Variants in TBC1D7 observed in about 807,000 individuals in gnomAD.
TBC1D7 encodes the protein TBC domain family 7.
A neutral mutation model predicts 35.3 loss-of-function variants in TBC1D7; 33 were observed. The ratio of observed to expected loss-of-function variants is 0.93; its 90% CI spans 0.71 to 1.25. The LOEUF is 1.25. TBC1D7 is among the 50% of genes most tolerant of loss of function. The pLI is 0.00. For synonymous variants in TBC1D7, 135 were observed against 129.5 expected (o/e 1.04, Z -0.29); for missense variants, 362 against 365.3 (o/e 0.99, Z 0.07).
At position 13,321,068 on chromosome 6, in the gene TBC1D7, T is replaced by C. The variant is rs1191568286; in HGVS notation, c.221A>G (p.His74Arg). ...LGILPPHHESHAKVMMYRKEQ... is the reference protein window; with the variant it reads ...LGILPPHHESRAKVMMYRKEQ... ...CTTACGATACATCATCACCTTGGCA[T>C]GGGACTCGTGGTGTGGAGGCAAGAT... The change falls in exon 4 of 8, where the codon CAT (histidine) becomes CGT (arginine). Residue 74 changes from histidine (H) to arginine (R), a missense_variant. Physicochemically the swap from His to Arg is conservative, Grantham distance 29. Coordinates refer to ENST00000379300, the MANE Select transcript of TBC1D7 (RefSeq NM_016495.6). 20 of 1,613,360 alleles carry C rather than the reference T, an allele frequency of 1.2e-5. No individual in the cohort carries two copies. The highest frequency in any genetic ancestry group is 1.7e-5 in the Admixed American group (1 of 59,954).
chr6:13,305,943 T>C (rs1253350396), intron 7 of TBC1D7: 1 of 164,168 alleles, frequency 6.1e-6, no homozygotes, highest in Non-Finnish European at 1.3e-5. Context: ...ATCCCACCTA[T>C]TCCTTTTCCT....
chr6:13,315,117 C>G (rs1022088239), intron 5 of TBC1D7, among the ~76,000 whole-genome samples: 1 of 152,128 alleles, frequency 6.6e-6, no homozygotes, highest in Non-Finnish European at 1.5e-5. Flanking sequence ...GACAGGGCAG[C>G]CAAGTGACAC....
chr6:13,311,998 T>A (rs1230986986), intron 5 of TBC1D7, among the ~76,000 whole-genome samples: 7 of 151,832 alleles, frequency 4.6e-5, no homozygotes, highest in Admixed American at 4.6e-4. Flanking sequence ...TATATGGAAA[T>A]CCAGTATATG....
intron 3 of TBC1D7, among the ~76,000 whole-genome samples, chr6:13,321,410 A>G (rs1171138115): frequency 6.6e-6 from 1 of 152,220 alleles, no homozygotes; most frequent in African/African-American, 2.4e-5. Flanking sequence ...ACAATGGTTT[A>G]ACTTAATTTA....
chr6:13,320,439 T>G (rs757311164), intron 4 of TBC1D7: 1 of 359,046 alleles, frequency 2.8e-6, no homozygotes, highest in Non-Finnish European at 5.1e-6. Flanking sequence ...GTCTGCATCT[T>G]ACTCTCAAAT....
In TBC1D7 at chr6:13,326,807, A is replaced by C; in HGVS notation, c.92T>G (p.Leu31Arg). The C allele has an allele frequency of 4.3e-6, 7 of 1,612,372 alleles. No homozygotes were observed. The highest frequency in any genetic ancestry group is 5.9e-6 in the Non-Finnish European group (7 of 1,178,904). Residue 31 changes from leucine to arginine, a missense_variant, in exon 2 of 8, where the codon CTC (leucine) becomes CGC (arginine). Leu to Arg is a moderately radical substitution (Grantham distance 102, BLOSUM62 -2). Coordinates refer to ENST00000379300, the MANE Select transcript of TBC1D7 (RefSeq NM_016495.6). Reference sequence around the variant, plus strand: ...CTCACCCAGACGGTCATCTTTTAGGAGAATTTCTAATGATTTCTTTTCTTC... The same window carrying C: ...CTCACCCAGACGGTCATCTTTTAGGCGAATTTCTAATGATTTCTTTTCTTC... The part of the protein sequence containing the change: ...GVEEKKSLEI[L>R]LKDDRLDTEK...
chr6:13,308,144 A>G (rs755281429), intron 5 of TBC1D7, among the ~76,000 whole-genome samples: 6 of 152,226 alleles, frequency 3.9e-5, no homozygotes, highest in Non-Finnish European at 7.3e-5. Flanking sequence ...AGCAGATTAT[A>G]TACTAAGGAA....
At chr6:13,305,406 A>C (rs1483082647) in intron 7 of TBC1D7, among the ~76,000 whole-genome samples, 1 of 152,090 alleles carries the variant, frequency 6.6e-6, no homozygotes, top group African/African-American at 2.4e-5. Flanking sequence ...CTAACTGTGC[A>C]CCCCCGGGCA....
At chr6:13,311,721 A>G (rs1475812993) in intron 5 of TBC1D7, among the ~76,000 whole-genome samples, 1 of 152,244 alleles carries the variant, frequency 6.6e-6, no homozygotes, top group African/African-American at 2.4e-5. Flanking sequence ...TTTAAGGGAC[A>G]TGAAGTGTCT....
intron 4 of TBC1D7, chr6:13,320,418 T>C (rs952695016): frequency 1.9e-5 from 6 of 318,246 alleles, no homozygotes; most frequent in East Asian, 7.3e-5. Context: ...TCTGAGGTAA[T>C]AGGGAATCCT....
intron 2 of TBC1D7, among the ~76,000 whole-genome samples, chr6:13,325,885 T>C (rs2127544476): frequency 6.6e-6 from 1 of 152,332 alleles, no homozygotes; most frequent in Non-Finnish European, 1.5e-5. Flanking sequence ...TGGTACAGTC[T>C]GCCTTCAAAT....
At chr6:13,327,184 T>C (rs985738204) in intron 1 of TBC1D7, among the ~76,000 whole-genome samples, 3 of 152,182 alleles carry the variant, frequency 2.0e-5, no homozygotes, top group African/African-American at 7.2e-5. Context: ...TTTCCCACTA[T>C]ACCTATGAGT....
intron 3 of TBC1D7, among the ~76,000 whole-genome samples, chr6:13,323,365 A>T (rs1202165506): frequency 6.7e-5 from 10 of 149,030 alleles, no homozygotes; most frequent in South Asian, 6.3e-4. Context: ...TAAAAAAATT[A>T]AAAAAAAAGA....
chr6:13,311,295 G>C (rs942093204), intron 5 of TBC1D7, among the ~76,000 whole-genome samples: 4 of 152,128 alleles, frequency 2.6e-5, no homozygotes, highest in Non-Finnish European at 1.5e-5. Context: ...TATTCTCCTC[G>C]ACTATGAGAG....
intron 6 of TBC1D7, chr6:13,307,146 G>A (rs571195715): frequency 3.0e-5 from 5 of 166,098 alleles, no homozygotes; most frequent in African/African-American, 1.2e-4. Flanking sequence ...TATTTTAAGA[G>A]TTACTGTTCT....
chr6:13,306,243 T>C (rs971989331), intron 7 of TBC1D7, 155 bp downstream of exon 7: 4 of 557,422 alleles, frequency 7.2e-6, no homozygotes, highest in African/African-American at 4.0e-5. Context: ...TTCCCTAAAA[T>C]AATCATTATT....
intron 3 of TBC1D7, 142 bp downstream of exon 3, chr6:13,324,952 G>GT (rs1283861432): frequency 1.7e-6 from 1 of 589,340 alleles, no homozygotes; most frequent in Non-Finnish European, 3.0e-6. Context: ...AAAATAATGA[G>GT]TGGTAATTGA....
intron 4 of TBC1D7, chr6:13,319,573 T>C (rs1162414599): frequency 6.6e-6 from 1 of 150,470 alleles, no homozygotes; most frequent in African/African-American, 2.4e-5. Context: ...AAGAAGAGCA[T>C]CAGTGGGACA....
chr6:13,316,777 A>C (rs1001760650), intron 4 of TBC1D7, 69 bp from the exon 5 acceptor site: 4 of 1,560,584 alleles, frequency 2.6e-6, no homozygotes, highest in Non-Finnish European at 3.5e-6. Context: ...CTTTAATAAA[A>C]AATGAAACCT....
Sources: gnomAD v4.1 joint callset for allele counts (sites outside exome capture counted in the v4.1 genomes callset) on GRCh38, gnomAD v4.1.1 for gene constraint, MANE v1.5 for transcripts, NCBI Gene and HGNC (gene_info 2026-07-23, HGNC 2026-07-21) for gene names.